Variants in TMCC3 observed in about 807,000 individuals in gnomAD.
TMCC3 encodes the protein transmembrane and coiled-coil domain family 3.
Under a neutral mutation model 40.2 loss-of-function variants are expected in TMCC3, and 28 were observed. The ratio of observed to expected loss-of-function variants is 0.70; its 90% CI spans 0.52 to 0.95. TMCC3 has a LOEUF of 0.95. TMCC3 is among the 40% of genes least tolerant of loss of function. The pLI, the probability that TMCC3 is intolerant of heterozygous loss-of-function variation, is 0.00. For synonymous variants in TMCC3, 255 were observed against 248.5 expected, an observed-to-expected ratio of 1.03 and a Z score of -0.25; for missense variants, 554 against 615.2, an observed-to-expected ratio of 0.90 and a Z score of 1.05.
intron 1 of TMCC3, among the ~76,000 whole-genome samples, chr12:94,600,622 T>C (rs1233447706): frequency 6.6e-6 from 1 of 152,220 alleles, no homozygotes; most frequent in Non-Finnish European, 1.5e-5. Flanking sequence ...CTGTGGTACA[T>C]GAACATATTT....
At chr12:94,641,308 T>A (rs995164161) in intron 1 of TMCC3, among the ~76,000 whole-genome samples, 12 of 151,938 alleles carry the variant, frequency 7.9e-5, no homozygotes, top group Non-Finnish European at 5.9e-5. Flanking sequence ...ATGGGAAAAG[T>A]ATAATATTAA....
At position 94,616,634 on chromosome 12, in the gene TMCC3, G is replaced by A. The variant is rs77552533; in HGVS notation, c.78+33719C>T. Among the ~76,000 whole-genome samples the A allele has an allele frequency of 8.2e-3, 1,249 of 152,260 alleles. 21 individuals carry two copies. The highest frequency in any genetic ancestry group is 0.059 in the East Asian group (304 of 5,174). On this transcript the variant is annotated intron_variant, in intron 1 of 3. Transcript: ENST00000261226. ...ACAGCCACTGATAAGTGTCAGGAGA[G>A]TACTTGGTGCTAAGCGAGCACTTGG... is the stretch of plus-strand genomic sequence containing the variant.
At chr12:94,587,026 CATT>C (rs2068642390) in intron 1 of TMCC3, among the ~76,000 whole-genome samples, 1 of 152,240 alleles carries the variant, frequency 6.6e-6, no homozygotes, top group African/African-American at 2.4e-5. Context: ...CTACACCTAT[CATT>C]GTTAGATGCC....
intron 3 of TMCC3, among the ~76,000 whole-genome samples, chr12:94,577,379 G>C (rs1015191162): frequency 2.0e-4 from 30 of 151,968 alleles, no homozygotes; most frequent in African/African-American, 7.3e-4. Context: ...TAGTAGAGAC[G>C]GGGTTTCACC....
At chr12:94,607,394 A>AGAG (rs1207045555) in intron 1 of TMCC3, among the ~76,000 whole-genome samples, 2 of 152,258 alleles carry the variant, frequency 1.3e-5, no homozygotes, top group Non-Finnish European at 2.9e-5. Flanking sequence ...AGAAATTACA[A>AGAG]GAGTATTATT....
intron 1 of TMCC3, among the ~76,000 whole-genome samples, chr12:94,609,516 A>AT (rs1289597280): frequency 1.3e-5 from 2 of 152,058 alleles, no homozygotes; most frequent in African/African-American, 4.8e-5. Context: ...TAGCAACTTG[A>AT]TTTTTTGCAG....
chr12:94,572,885 G>T (rs893980997), intron 3 of TMCC3, among the ~76,000 whole-genome samples: 5 of 152,134 alleles, frequency 3.3e-5, no homozygotes, highest in African/African-American at 9.7e-5. Context: ...TCTGAACGCG[G>T]TGTTACTCAG....
At chr12:94,617,752 G>C in intron 1 of TMCC3, among the ~76,000 whole-genome samples, 1 of 152,216 alleles carries the variant, frequency 6.6e-6, no homozygotes. Flanking sequence ...GGCTTAAGTG[G>C]TGTTGATTTA....
intron 1 of TMCC3, among the ~76,000 whole-genome samples, chr12:94,639,065 A>G (rs1386501427): frequency 6.6e-6 from 1 of 152,164 alleles, no homozygotes; most frequent in Non-Finnish European, 1.5e-5. Context: ...TTCCCAAAGA[A>G]TTCATATTTT....
At chr12:94,607,060 C>T (rs567284443) in intron 1 of TMCC3, among the ~76,000 whole-genome samples, 4 of 152,138 alleles carry the variant, frequency 2.6e-5, no homozygotes, top group Non-Finnish European at 4.4e-5. Flanking sequence ...TTACAGACCT[C>T]CCCCCAGGAA....
chr12:94,570,095 T>C lies in TMCC3; in HGVS notation c.*1340A>G, dbSNP rs2068517947. 3 of 152,318 alleles carry C rather than the reference T, an allele frequency of 2.0e-5. No homozygotes were observed. In the South Asian group the frequency reaches 6.2e-4, roughly 32 times the overall value. The allele number at this position is 152,318 out of a possible 1,614,324, so 9.4% of individuals were successfully genotyped here. ...CTAATACCTCAGGACTTATGTTCAG[T>C]GAGATGTTAAGAGACAGGTGGCAAC... is the stretch of plus-strand genomic sequence containing the variant. On this transcript the variant is annotated 3_prime_UTR_variant, in exon 4 of 4. Transcript: ENST00000261226.
rs145739024 is a variant in TMCC3 at position 94,595,160 on chromosome 12, G to A, written c.79-12622C>T. On this transcript the variant is annotated intron_variant, in intron 1 of 3. Coordinates refer to ENST00000261226, the MANE Select transcript of TMCC3 (RefSeq NM_020698.4). ...CCTATATGTTTTCCCCTTCTTTTTC[G>A]ACTTTTGGATATTAGCACTACTCTA... 3.9e-5 allele frequency among the ~76,000 whole-genome samples: 6 copies of A among 152,060 alleles called. No homozygotes were observed. The East Asian group carries it at 9.6e-4, about 24-fold the overall frequency.
At chr12:94,621,507 G>A (rs1454705813) in intron 1 of TMCC3, among the ~76,000 whole-genome samples, 1 of 152,170 alleles carries the variant, frequency 6.6e-6, no homozygotes, top group African/African-American at 2.4e-5. Context: ...ACACCAAATT[G>A]TTAAGAGTGG....
intron 1 of TMCC3, among the ~76,000 whole-genome samples, chr12:94,632,077 T>C (rs561059676): frequency 2.2e-4 from 33 of 152,234 alleles, no homozygotes; most frequent in South Asian, 4.1e-4. Flanking sequence ...CATGATTCCA[T>C]TTATACTGCA....
At chr12:94,627,967 T>A (rs1420471918) in intron 1 of TMCC3, among the ~76,000 whole-genome samples, 3 of 152,240 alleles carry the variant, frequency 2.0e-5, no homozygotes, top group Non-Finnish European at 2.9e-5. Flanking sequence ...ACTGAATGAA[T>A]GTACTGAATT....
rs186771397 is a variant in TMCC3, at chr12:94,569,525, T to A, written c.*1910A>T. The A allele has an allele frequency of 4.5e-4, 68 of 152,268 alleles. No homozygotes were observed. Among genetic ancestry groups the A allele is most frequent in the African/African-American group, 1.6e-3 (66 of 41,550 alleles). The allele number at this position is 152,268 out of a possible 1,614,324, so 9.4% of individuals were successfully genotyped here. On this transcript the variant is annotated 3_prime_UTR_variant, in exon 4 of 4. Transcript: ENST00000261226. ...GAGCTCTTCTCTGAATCCAAAATAC[T>A]TTATCACCAAAGATTTCATGAAATG...
At chr12:94,598,408 T>C in intron 1 of TMCC3, 1 of 168,336 alleles carries the variant, frequency 5.9e-6, no homozygotes, top group South Asian at 1.9e-4. Flanking sequence ...ATATGTATGA[T>C]AGAGAAACAG....
chr12:94,592,831 G>T (rs4761487), intron 1 of TMCC3, among the ~76,000 whole-genome samples: 8 of 151,526 alleles, frequency 5.3e-5, no homozygotes, highest in African/African-American at 1.9e-4. Context: ...ATTAGGCAGT[G>T]TTTAAGAGTC....
Position 94,623,241 on chromosome 12 carries a change from C to A in TMCC3, c.78+27112G>T, listed in dbSNP as rs1487818186. On this transcript the variant is annotated intron_variant, in intron 1 of 3. Transcript: ENST00000261226. Reference sequence around the variant, plus strand: ...AATCTGCAGGAAAAAAAAAAAAAATCTGAGACTAAGCAGAGTGGACTGAGC... The same window carrying A: ...AATCTGCAGGAAAAAAAAAAAAAATATGAGACTAAGCAGAGTGGACTGAGC... Among the ~76,000 whole-genome samples, 3 of 151,624 alleles carry A rather than the reference C, an allele frequency of 2.0e-5. No homozygotes were observed. In the East Asian group the frequency reaches 5.8e-4, roughly 29 times the overall value.
Sources: gnomAD v4.1 joint callset for allele counts (sites outside exome capture counted in the v4.1 genomes callset) on GRCh38, gnomAD v4.1.1 for gene constraint, MANE v1.5 for transcripts, NCBI Gene and HGNC (gene_info 2026-07-23, HGNC 2026-07-21) for gene names.